The following CUL9 variants were observed in gnomAD, a reference collection of about 807,000 sequenced individuals.
The protein encoded by CUL9 is cullin-9.
CUL9 carries 79 observed loss-of-function variants against 272.6 expected under a neutral mutation model. That is an observed-to-expected ratio of 0.29 (90% CI 0.24 to 0.35). The LOEUF is 0.35. Among genes scored for constraint, CUL9 ranks in the 10% least tolerant of loss-of-function variants. The pLI, the probability that CUL9 is intolerant of heterozygous loss-of-function variation, is 1.00. For synonymous variants in CUL9, 1,186 were observed against 1,286.5 expected (o/e 0.92, Z 1.67); for missense variants, 2,532 against 3,255.6 (o/e 0.78, Z 5.41).
At position 43,223,293 on chromosome 6, in the gene CUL9, G is replaced by A. The variant is rs750066182; in HGVS notation, c.7180G>A (p.Ala2394Thr). Residue 2394 changes from alanine to threonine, a missense_variant, in exon 39 of 41, where the codon GCC (alanine) becomes ACC (threonine). Transcript: ENST00000252050. This position sits in a 1 kb window ranked among gnomAD's most constrained non-coding sequence, Gnocchi z 4.1. Reference protein sequence around the residue: ...EETLLRCRDLASSLRLLRADC... With the variant: ...EETLLRCRDLTSSLRLLRADC... Reference sequence around the variant, plus strand: ...AACCCTGCTGCGGTGCAGAGACCTGGCCTCCTCCCTGCGCCTCCTGCGGGC... The same window carrying A: ...AACCCTGCTGCGGTGCAGAGACCTGACCTCCTCCCTGCGCCTCCTGCGGGC... 10 of 1,599,976 alleles carry A rather than the reference G, an allele frequency of 6.3e-6. No homozygotes were observed. In the East Asian group the frequency reaches 2.0e-4, roughly 32 times the overall value.
chr6:43,193,130 G>A lies in CUL9; in HGVS notation c.2310G>A (p.Arg770=). 6.2e-7 allele frequency: 1 copy of A among 1,614,204 alleles called. No individual in the cohort carries two copies. The highest frequency in any genetic ancestry group is 1.1e-5 in the South Asian group (1 of 91,076). ...TKHEWRPLFA[R]EGGIYAVLVC... is the part of the protein sequence containing the mutation. The stretch of plus-strand genomic sequence containing the variant: ...ACGAGTGGCGGCCGCTCTTTGCCAG[G>A]GAGGGTGGCATCTATGCTGTGCTGG... Residue 770 remains arginine, a synonymous_variant, in exon 9 of 41, where the codon AGG becomes AGA. Coordinates refer to ENST00000252050, the MANE Select transcript of CUL9 (RefSeq NM_015089.4).
chr6:43,201,637 G>A (rs1017503330), intron 16 of CUL9, among the ~76,000 whole-genome samples: 3 of 152,176 alleles, frequency 2.0e-5, no homozygotes, highest in South Asian at 2.1e-4. Context: ...CTGCCACCAC[G>A]CCTGGCTAAT....
chr6:43,221,361 G>C lies in CUL9; in HGVS notation c.6752+40G>C. ...ACTGTGGGGAGCCAGAGGGCAAGGA[G>C]GGGGGAGGAGGCCTGGCAGAAGGAG... On this transcript the variant is annotated intron_variant, in intron 34 of 40. Coordinates refer to ENST00000252050, the MANE Select transcript of CUL9 (RefSeq NM_015089.4). The surrounding 1 kb of genome is among the most constrained non-coding windows in gnomAD (Gnocchi z 4.2). 2 of 1,554,678 alleles carry C rather than the reference G, an allele frequency of 1.3e-6. No homozygotes were observed. Among genetic ancestry groups the C allele is most frequent in the South Asian group, 1.1e-5 (1 of 88,794 alleles).
At position 43,199,463 on chromosome 6, in the gene CUL9, C is replaced by G; in HGVS notation, c.3156+92C>G. 1 of 946,354 alleles carries G rather than the reference C, an allele frequency of 1.1e-6. No homozygotes were observed. The highest frequency in any genetic ancestry group is 1.7e-6 in the Non-Finnish European group (1 of 586,974). The allele number at this position is 946,354 out of a possible 1,614,324, so 58.6% of individuals were successfully genotyped here. A position where few individuals can be genotyped will look rare whatever the true frequency, so the allele number is the denominator to read the frequency against. ...CTCTGGAGGGCACAGCAGAGCCTTT[C>G]TGAATGGATCTTGGGGCACTGGGAT... On this transcript the variant is annotated intron_variant, in intron 13 of 40. Transcript: ENST00000252050. The surrounding 1 kb of genome is among the most constrained non-coding windows in gnomAD (Gnocchi z 4.4).
At chr6:43,204,180 C>T (rs1042631379) in intron 20 of CUL9, 180 bp from the exon 21 acceptor site, 4 of 1,021,576 alleles carry the variant, frequency 3.9e-6, no homozygotes, top group Non-Finnish European at 1.4e-6. Context: ...CCCACTACCC[C>T]ATCCCCACCC....
At chr6:43,204,691 G>C (rs1367316517) in intron 21 of CUL9, 57 bp from the exon 22 acceptor site, 1 of 1,598,410 alleles carries the variant, frequency 6.3e-7, no homozygotes, top group African/African-American at 1.3e-5. Context: ...ACCCAAGACC[G>C]GTGTACTCAC....
intron 9 of CUL9, among the ~76,000 whole-genome samples, chr6:43,194,295 C>CT (rs554580961): frequency 3.3e-5 from 5 of 151,286 alleles, no homozygotes; most frequent in Admixed American, 6.6e-5. Context: ...TCTCTTTTCT[C>CT]TTTTTTTTTC....
Position 43,205,151 on chromosome 6 carries a change from T to C in CUL9, c.4632+36T>C, listed in dbSNP as rs146415570. ...CCAGCTCCCCACAGGGCTATAAGCT[T>C]GTGTTCCAAGTTCATCTCTTTCTGC... is the stretch of plus-strand genomic sequence containing the variant. On this transcript the variant is annotated intron_variant, in intron 23 of 40. Coordinates refer to ENST00000252050, the MANE Select transcript of CUL9 (RefSeq NM_015089.4). 390 of 1,574,618 alleles carry C rather than the reference T, an allele frequency of 2.5e-4. No homozygotes were observed. In the African/African-American group the frequency reaches 4.7e-3, roughly 19 times the overall value.
intron 3 of CUL9, 98 bp downstream of exon 3, chr6:43,185,708 G>A: frequency 7.2e-7 from 1 of 1,398,318 alleles, no homozygotes; most frequent in South Asian, 1.4e-5. Flanking sequence ...GAGCCACCTG[G>A]GAACTTGTTA....
In CUL9 at chr6:43,223,175, G is replaced by A; in HGVS notation, c.7151-89G>A. 1 of 1,475,230 alleles carries A rather than the reference G, an allele frequency of 6.8e-7. No homozygotes were observed. Among genetic ancestry groups the A allele is most frequent in the South Asian group, 1.3e-5 (1 of 75,392 alleles). The allele number at this position is 1,475,230 out of a possible 1,614,324, so 91.4% of individuals were successfully genotyped here. A position where few individuals can be genotyped will look rare whatever the true frequency, so the allele number is the denominator to read the frequency against. On this transcript the variant is annotated intron_variant, in intron 38 of 40. Coordinates refer to ENST00000252050, the MANE Select transcript of CUL9 (RefSeq NM_015089.4). This position sits in a 1 kb window ranked among gnomAD's most constrained non-coding sequence, Gnocchi z 4.1. ...GAGAATGTCTAGAGCTGCACCTGGT[G>A]CTTGGTAGACGTTCCATAGGTGTTT... is the stretch of plus-strand genomic sequence containing the variant.
chr6:43,224,573 T>C lies in CUL9; in HGVS notation c.*128T>C. 1 of 872,444 alleles carries C rather than the reference T, an allele frequency of 1.1e-6. No individual in the cohort carries two copies. The highest frequency in any genetic ancestry group is 1.7e-6 in the Non-Finnish European group (1 of 584,218). 54.0% of individuals were successfully genotyped at this position (872,444 alleles called of 1,614,324 possible). ...GCTTCCTGTTTGCTGAATAAAGGTC[T>C]CTTTCTCACACACATCTCTGGGAGC... On this transcript the variant is annotated 3_prime_UTR_variant, in exon 41 of 41. Coordinates refer to ENST00000252050, the MANE Select transcript of CUL9 (RefSeq NM_015089.4). The surrounding 1 kb of genome is among the most constrained non-coding windows in gnomAD (Gnocchi z 4.2).
At chr6:43,211,758 A>G (rs1429090224) in intron 26 of CUL9, among the ~76,000 whole-genome samples, 2 of 151,912 alleles carry the variant, frequency 1.3e-5, no homozygotes, top group Non-Finnish European at 2.9e-5. Flanking sequence ...CTGTACCCCC[A>G]TCTATTCCCC....
chr6:43,200,299 A>G lies in CUL9; in HGVS notation c.3385-137A>G, dbSNP rs1490928537. The stretch of plus-strand genomic sequence containing the variant: ...ACTTGTTTCCTAACCTTGACTCCAC[A>G]TGGTTCTGTCAAAATGTGGGGAGAG... On this transcript the variant is annotated intron_variant, in intron 14 of 40. Transcript: ENST00000252050. This position sits in a 1 kb window ranked among gnomAD's most constrained non-coding sequence, Gnocchi z 4.0. The G allele has an allele frequency of 7.3e-6, 11 of 1,506,316 alleles. No individual in the cohort carries two copies. The highest frequency in any genetic ancestry group is 2.8e-5 in the African/African-American group (2 of 72,628). 93.3% of individuals were successfully genotyped at this position (1,506,316 alleles called of 1,614,324 possible).
Position 43,204,461 on chromosome 6 carries a change from C to T in CUL9, c.4261C>T (p.Arg1421Ter), listed in dbSNP as rs375890412. Residue 1421 changes from arginine (R) to a stop codon, truncating the protein, a stop_gained, in exon 21 of 41, where the codon CGA (arginine) becomes TGA (stop). Transcript: ENST00000252050. LOFTEE classifies it high-confidence loss of function. ...GAGTCGAGCAGCGTCCTTTGCTTCT[C>T]GAGTTCGTCGCCTTTGCCACTTGCT... ...PLSRAASFASRVRRLCHLLVH... is the reference protein window; with the variant it reads ...PLSRAASFAS 1.2e-6 allele frequency: 2 copies of T among 1,614,042 alleles called. No homozygotes were observed. Among genetic ancestry groups the T allele is most frequent in the African/African-American group, 2.7e-5 (2 of 74,912 alleles).
rs1773136854 is a variant in CUL9 at position 43,188,580 on chromosome 6, C to T, written c.2045C>T (p.Ala682Val). The T allele has an allele frequency of 3.1e-6, 5 of 1,613,988 alleles. No individual in the cohort carries two copies. The highest frequency in any genetic ancestry group is 1.7e-5 in the Admixed American group (1 of 59,972). The stretch of plus-strand genomic sequence containing the variant: ...CGCAGCTCCCTGGATCAGCATGTGG[C>T]AGCGGTCGTGGCCACTGTGCAGATA... ...GPRSSLDQHV[A>V]AVVATVQISS... The change falls in exon 8 of 41, where the codon GCA becomes GTA. Residue 682 changes from alanine to valine, a missense_variant. Coordinates refer to ENST00000252050, the MANE Select transcript of CUL9 (RefSeq NM_015089.4).
At position 43,203,232 on chromosome 6, in the gene CUL9, A is replaced by C. The variant is rs1035615597; in HGVS notation, c.3849+28A>C. On this transcript the variant is annotated intron_variant, in intron 18 of 40. Coordinates refer to ENST00000252050, the MANE Select transcript of CUL9 (RefSeq NM_015089.4). This position sits in a 1 kb window ranked among gnomAD's most constrained non-coding sequence, Gnocchi z 5.0. ...GGTGTTAGGGTGTCAGCCAGGGCTG[A>C]GGAGGAGGAGGTGGCACACAAGTTT... 1 of 1,609,734 alleles carries C rather than the reference A, an allele frequency of 6.2e-7. No homozygotes were observed. Among genetic ancestry groups the C allele is most frequent in the Non-Finnish European group, 8.5e-7 (1 of 1,176,184 alleles).
At chr6:43,183,151 T>C (rs1772571828) in intron 1 of CUL9, among the ~76,000 whole-genome samples, 1 of 152,204 alleles carries the variant, frequency 6.6e-6, no homozygotes, top group Non-Finnish European at 1.5e-5. Context: ...CAGAGTCACA[T>C]TTATCTGATA....
At position 43,199,396 on chromosome 6, in the gene CUL9, G is replaced by A; in HGVS notation, c.3156+25G>A. ...GGTACCAGAACCCTGGCAAGGAGAA[G>A]AGAGGGAAGGGCAGCATCTGGGGCA... On this transcript the variant is annotated intron_variant, in intron 13 of 40. Transcript: ENST00000252050. This position sits in a 1 kb window ranked among gnomAD's most constrained non-coding sequence, Gnocchi z 4.4. 1 of 1,579,612 alleles carries A rather than the reference G, an allele frequency of 6.3e-7. No homozygotes were observed. Among genetic ancestry groups the A allele is most frequent in the Admixed American group, 1.7e-5 (1 of 59,844 alleles).
chr6:43,203,408 A>C lies in CUL9; in HGVS notation c.3850-9A>C. 6.2e-7 allele frequency: 1 copy of C among 1,613,720 alleles called. No homozygotes were observed. On this transcript the variant is annotated splice_polypyrimidine_tract_variant and intron_variant, in intron 18 of 40. Coordinates refer to ENST00000252050, the MANE Select transcript of CUL9 (RefSeq NM_015089.4). The surrounding 1 kb of genome is among the most constrained non-coding windows in gnomAD (Gnocchi z 5.0). The stretch of plus-strand genomic sequence containing the variant: ...GCTTGGGTGACAGATAAGTCTGTGC[A>C]TGTTCCAGGGCGGCATTGACACCCG...
Sources: allele counts gnomAD v4.1 joint callset (sites outside exome capture counted in the v4.1 genomes callset), GRCh38; gene constraint gnomAD v4.1.1; non-coding constraint Gnocchi (gnomAD v3.1); transcripts MANE v1.5; gene names NCBI Gene and HGNC (gene_info 2026-07-23, HGNC 2026-07-21).